MYO3B: variants seen among roughly 807,000 people sequenced by gnomAD.
MYO3B encodes the protein myosin IIIB.
A neutral mutation model predicts 174.6 loss-of-function variants in MYO3B; 156 were observed. The ratio of observed to expected loss-of-function variants is 0.89; its 90% CI spans 0.78 to 1.02. MYO3B has a LOEUF of 1.02. Among genes scored for constraint, MYO3B ranks in the 50% least tolerant of loss-of-function variants. The pLI, the probability that MYO3B is intolerant of heterozygous loss-of-function variation, is 0.00. For synonymous variants in MYO3B, 563 were observed against 569.1 expected, an observed-to-expected ratio of 0.99 and a Z score of 0.15; for missense variants, 1,632 against 1,639.4, an observed-to-expected ratio of 1.00 and a Z score of 0.08.
At chr2:170,245,689 T>G (rs2093181783) in intron 7 of MYO3B, among the ~76,000 whole-genome samples, 2 of 152,230 alleles carry the variant, frequency 1.3e-5, no homozygotes, top group South Asian at 4.1e-4. Flanking sequence ...AAAGTTTTCT[T>G]AAGTATCCTC....
At chr2:170,211,468 A>C (rs1002913109) in intron 3 of MYO3B, among the ~76,000 whole-genome samples, 1 of 152,222 alleles carries the variant, frequency 6.6e-6, no homozygotes, top group East Asian at 1.9e-4. Flanking sequence ...AGGTGAAACC[A>C]ACAAGCCTCA....
intron 3 of MYO3B, among the ~76,000 whole-genome samples, chr2:170,201,849 C>A (rs182111800): frequency 3.3e-5 from 5 of 152,086 alleles, no homozygotes; most frequent in Admixed American, 2.6e-4. Context: ...GTGTTTTAAA[C>A]CTCGTTGTAA....
intron 32 of MYO3B, among the ~76,000 whole-genome samples, chr2:170,614,585 C>G (rs1695327315): frequency 6.6e-6 from 1 of 152,202 alleles, no homozygotes; most frequent in African/African-American, 2.4e-5. Flanking sequence ...AAACTTAATG[C>G]ACTCACAGAT....
At chr2:170,213,964 T>C (rs1371557936) in intron 3 of MYO3B, among the ~76,000 whole-genome samples, 1 of 152,196 alleles carries the variant, frequency 6.6e-6, no homozygotes, top group Non-Finnish European at 1.5e-5. Context: ...TCCCGGTTTT[T>C]CCTTATCCTC....
At chr2:170,346,629 C>T (rs1320048739) in intron 8 of MYO3B, among the ~76,000 whole-genome samples, 1 of 151,968 alleles carries the variant, frequency 6.6e-6, no homozygotes, top group African/African-American at 2.4e-5. Flanking sequence ...ATGTTAAATT[C>T]CTCCTCCTCA....
At chr2:170,494,049 A>G (rs73025043) in intron 25 of MYO3B, among the ~76,000 whole-genome samples, 9,667 of 152,318 alleles carry the variant, frequency 0.063, 958 homozygotes, top group African/African-American at 0.21. Flanking sequence ...GAAACTGTGT[A>G]ATGATAAATA....
intron 7 of MYO3B, among the ~76,000 whole-genome samples, chr2:170,308,308 C>T (rs1357213689): frequency 2.0e-5 from 3 of 152,158 alleles, no homozygotes; most frequent in African/African-American, 7.2e-5. Context: ...CATACAGAAG[C>T]CCGAAAGCAA....
intron 6 of MYO3B, among the ~76,000 whole-genome samples, chr2:170,229,631 T>C (rs2092992743): frequency 1.3e-5 from 2 of 152,234 alleles, no homozygotes. Context: ...AATTACATTA[T>C]TGGAAGAAAT....
intron 32 of MYO3B, among the ~76,000 whole-genome samples, chr2:170,634,711 A>G (rs1016979153): frequency 1.3e-5 from 2 of 152,250 alleles, no homozygotes; most frequent in South Asian, 2.1e-4. Context: ...AATTTTTGCA[A>G]TCTACCCATC....
At chr2:170,492,075 G>A (rs1489986933) in intron 25 of MYO3B, among the ~76,000 whole-genome samples, 1 of 151,006 alleles carries the variant, frequency 6.6e-6, no homozygotes, top group African/African-American at 2.4e-5. Context: ...AAAAAGATTT[G>A]TGATTTGTTA....
At chr2:170,188,532 G>A (rs1455874711) in intron 1 of MYO3B, among the ~76,000 whole-genome samples, 2 of 151,882 alleles carry the variant, frequency 1.3e-5, no homozygotes, top group African/African-American at 4.8e-5. Flanking sequence ...TGTGTTTGTG[G>A]TTATCTCTTC....
intron 7 of MYO3B, among the ~76,000 whole-genome samples, chr2:170,324,660 T>C (rs1319274715): frequency 3.9e-5 from 6 of 152,260 alleles, no homozygotes; most frequent in African/African-American, 7.2e-5. Flanking sequence ...TTTTCAGCGC[T>C]GAATCTACCC....
At chr2:170,554,785 A>T (rs889319976) in intron 32 of MYO3B, among the ~76,000 whole-genome samples, 1 of 152,228 alleles carries the variant, frequency 6.6e-6, no homozygotes, top group African/African-American at 2.4e-5. Context: ...GCAGATGCCA[A>T]ACAACACAAG....
At chr2:170,494,405 C>CAGCAGGA (rs140068380) in intron 25 of MYO3B, among the ~76,000 whole-genome samples, 9,613 of 152,080 alleles carry the variant, frequency 0.063, 944 homozygotes, top group African/African-American at 0.21. Flanking sequence ...TAAAATTCTG[C>CAGCAGGA]AGTGTTCTTT....
intron 22 of MYO3B, among the ~76,000 whole-genome samples, chr2:170,443,423 T>G (rs970152562): frequency 2.6e-5 from 4 of 152,230 alleles, no homozygotes; most frequent in Admixed American, 1.3e-4. Context: ...TGTAAAAATT[T>G]TCTCCCATTC....
chr2:170,583,467 A>C (rs1261171706), intron 32 of MYO3B, among the ~76,000 whole-genome samples: 1 of 152,000 alleles, frequency 6.6e-6, no homozygotes, highest in African/African-American at 2.4e-5. Context: ...GTTTTTTTTG[A>C]ATTTTTATTT....
chr2:170,274,056 G>A (rs993532481), intron 7 of MYO3B, among the ~76,000 whole-genome samples: 3 of 151,998 alleles, frequency 2.0e-5, no homozygotes, highest in African/African-American at 7.3e-5. Context: ...GGCCATATTA[G>A]ACATATATCA....
chr2:170,239,264 TA>T (rs2093105169), intron 7 of MYO3B, among the ~76,000 whole-genome samples: 1 of 152,224 alleles, frequency 6.6e-6, no homozygotes, highest in Non-Finnish European at 1.5e-5. Flanking sequence ...ATTTTTCCCT[TA>T]AAAAGAGATC....
intron 7 of MYO3B, among the ~76,000 whole-genome samples, chr2:170,256,611 T>G (rs115060535): frequency 1.3e-5 from 2 of 152,150 alleles, no homozygotes; most frequent in Non-Finnish European, 1.5e-5. Context: ...TCCACTAGCC[T>G]GCTACCACAA....
Sources: gnomAD v4.1 joint callset for allele counts (sites outside exome capture counted in the v4.1 genomes callset) on GRCh38, gnomAD v4.1.1 for gene constraint, MANE v1.5 for transcripts, NCBI Gene and HGNC (gene_info 2026-07-23, HGNC 2026-07-21) for gene names.